Variants in MRGPRX3 observed in about 807,000 individuals in gnomAD.
MRGPRX3 encodes the protein MAS related GPR family member X3, also known as mas-related G protein-coupled receptor member X3.
A neutral mutation model predicts 16.5 loss-of-function variants in MRGPRX3; 14 were observed. That is an observed-to-expected ratio of 0.85 (90% CI 0.56 to 1.33). The LOEUF is 1.33. MRGPRX3 is among the 40% of genes most tolerant of loss of function. The pLI is 0.00. For missense variants in MRGPRX3, 449 were observed against 413.0 expected, an observed-to-expected ratio of 1.09 and a Z score of -0.76; for synonymous variants, 199 against 180.1, an observed-to-expected ratio of 1.10 and a Z score of -0.84.
chr11:18,131,656 C>T (rs753776786), upstream of MRGPRX3, among the ~76,000 whole-genome samples: 2 of 151,950 alleles, frequency 1.3e-5, no homozygotes, highest in African/African-American at 4.8e-5. Flanking sequence ...GTAGATCGAC[C>T]ATTTGATCCA....
At chr11:18,131,748 A>G (rs1190155812), upstream of MRGPRX3, among the ~76,000 whole-genome samples, 3 of 152,154 alleles carry the variant, frequency 2.0e-5, no homozygotes, top group Non-Finnish European at 2.9e-5. Flanking sequence ...TAAAATGATG[A>G]CATTCACAGC....
intron 1 of MRGPRX3, among the ~76,000 whole-genome samples, chr11:18,135,528 C>T (rs1348008174): frequency 5.3e-5 from 8 of 152,154 alleles, no homozygotes; most frequent in Non-Finnish European, 8.8e-5. Flanking sequence ...TGCCCATGTG[C>T]ATTCTTGGGA....
intron 1 of MRGPRX3, among the ~76,000 whole-genome samples, chr11:18,134,354 C>T (rs925405878): frequency 1.3e-5 from 2 of 152,028 alleles, no homozygotes; most frequent in African/African-American, 2.4e-5. Context: ...AAAGGTGTGG[C>T]GGAGTTGTGT....
intron 1 of MRGPRX3, among the ~76,000 whole-genome samples, chr11:18,126,662 T>C (rs1848900135): frequency 6.6e-6 from 1 of 152,020 alleles, no homozygotes; most frequent in South Asian, 2.1e-4. Flanking sequence ...CCACAACCGT[T>C]CCCAGTGTGT....
Position 18,137,765 on chromosome 11 carries a change from G to C in MRGPRX3, c.563G>C (p.Cys188Ser). The change falls in exon 2 of 2, where the codon TGT (cysteine) becomes TCT (serine). Residue 188 changes from cysteine to serine, a missense_variant. Physicochemically the swap from Cys to Ser is moderately radical, Grantham distance 112. Transcript: ENST00000621697. ...ACAATCGCGTGGCTGGTTTTTTTAT[G>C]TGTGGTTCTCTGTGGGTCCAGCCTG... ...FITIAWLVFL[C>S]VVLCGSSLVL... The C allele has an allele frequency of 6.2e-7, 1 of 1,614,038 alleles. No individual in the cohort carries two copies. Among genetic ancestry groups the C allele is most frequent in the Non-Finnish European group, 8.5e-7 (1 of 1,180,026 alleles).
chr11:18,125,700 A>G (rs1350256965), intron 1 of MRGPRX3, among the ~76,000 whole-genome samples: 1 of 152,204 alleles, frequency 6.6e-6, no homozygotes, highest in Non-Finnish European at 1.5e-5. Flanking sequence ...GATGTCTATT[A>G]GGTCCGCTTG....
Position 18,137,725 on chromosome 11 carries a change from A to C in MRGPRX3, c.523A>C (p.Thr175Pro), listed in dbSNP as rs1590308879. The part of the protein sequence containing the change: ...FSGANSVWCE[T>P]SDFITIAWLV... Reference sequence around the variant, plus strand: ...TGGTGCTAATTCTGTTTGGTGTGAAACGTCAGATTTCATTACAATCGCGTG... The same window carrying C: ...TGGTGCTAATTCTGTTTGGTGTGAACCGTCAGATTTCATTACAATCGCGTG... The change falls in exon 2 of 2, where the codon ACG (threonine) becomes CCG (proline). Residue 175 changes from threonine to proline, a missense_variant. Thr to Pro is a conservative substitution (Grantham distance 38). Coordinates refer to ENST00000621697, the MANE Select transcript of MRGPRX3 (RefSeq NM_001370464.1). The C allele has an allele frequency of 6.2e-7, 1 of 1,612,986 alleles. No individual in the cohort carries two copies.
At chr11:18,122,495 C>T (rs557176533) in intron 1 of MRGPRX3, among the ~76,000 whole-genome samples, 66 of 152,298 alleles carry the variant, frequency 4.3e-4, no homozygotes, top group Non-Finnish European at 4.1e-4. Context: ...GCCCCATCCA[C>T]GTCCCTGCAA....
At chr11:18,127,458 C>T (rs976232770) in intron 1 of MRGPRX3, among the ~76,000 whole-genome samples, 2 of 152,136 alleles carry the variant, frequency 1.3e-5, no homozygotes, top group South Asian at 4.1e-4. Flanking sequence ...TTCTTGGAGG[C>T]TTTGTTCCTT....
At chr11:18,135,698 T>C (rs1849001869) in intron 1 of MRGPRX3, among the ~76,000 whole-genome samples, 1 of 152,164 alleles carries the variant, frequency 6.6e-6, no homozygotes, top group Non-Finnish European at 1.5e-5. Context: ...CAATTTTGAC[T>C]GTCAACTTGG....
At chr11:18,135,373 C>T (rs1404356732) in intron 1 of MRGPRX3, among the ~76,000 whole-genome samples, 1 of 152,126 alleles carries the variant, frequency 6.6e-6, no homozygotes, top group Non-Finnish European at 1.5e-5. Flanking sequence ...AACAGAGGTT[C>T]TCCTTTTCCT....
At chr11:18,134,545 A>G (rs1848991208) in intron 1 of MRGPRX3, among the ~76,000 whole-genome samples, 5 of 152,236 alleles carry the variant, frequency 3.3e-5, no homozygotes, top group Admixed American at 1.3e-4. Context: ...GAAATTGAGC[A>G]TCTGCAGATT....
Position 18,138,152 on chromosome 11 carries a change from G to A in MRGPRX3, c.950G>A (p.Gly317Glu), listed in dbSNP as rs1445101459. ...WLPQETLELS[G>E]SRLEQ ...CCTCAGGAAACCCTGGAGCTGTCGG[G>A]AAGCAGATTGGAGCAGTGAGGAAGA... Residue 317 changes from glycine to glutamate, a missense_variant, in exon 2 of 2, where the codon GGA becomes GAA. Coordinates refer to ENST00000621697, the MANE Select transcript of MRGPRX3 (RefSeq NM_001370464.1). 1.2e-6 allele frequency: 2 copies of A among 1,612,202 alleles called. No homozygotes were observed. The highest frequency in any genetic ancestry group is 8.5e-7 in the Non-Finnish European group (1 of 1,178,962).
Position 18,137,383 on chromosome 11 carries a change from G to A in MRGPRX3, c.181G>A (p.Val61Ile). 6.2e-7 allele frequency: 1 copy of A among 1,614,180 alleles called. No homozygotes were observed. The highest frequency in any genetic ancestry group is 8.5e-7 in the Non-Finnish European group (1 of 1,180,036). ...LLGCRMRRNA[V>I]SIYILNLVAA... The stretch of plus-strand genomic sequence containing the variant: ...GGGCTGCCGCATGCGCAGGAACGCT[G>A]TCTCCATCTACATCCTCAACCTGGT... Residue 61 changes from valine (V) to isoleucine (I), a missense_variant, in exon 2 of 2, where the codon GTC (valine) becomes ATC (isoleucine). Val to Ile is a conservative substitution (Grantham distance 29, BLOSUM62 3). Transcript: ENST00000621697.
intron 1 of MRGPRX3, among the ~76,000 whole-genome samples, chr11:18,136,034 T>C (rs551184333): frequency 6.6e-6 from 1 of 152,276 alleles, no homozygotes; most frequent in Admixed American, 6.5e-5. Context: ...CAGTTGAAAT[T>C]TGCATGAATA....
At chr11:18,125,221 T>A (rs371860599) in intron 1 of MRGPRX3, among the ~76,000 whole-genome samples, 2 of 152,140 alleles carry the variant, frequency 1.3e-5, no homozygotes, top group African/African-American at 4.8e-5. Context: ...TATTTCTTGC[T>A]TTCTGCTAGC....
rs1849027711 is a variant in MRGPRX3, at chr11:18,137,785, A to C, written c.583A>C (p.Ser195Arg). The C allele has an allele frequency of 8.7e-6, 14 of 1,613,732 alleles. No homozygotes were observed. Among genetic ancestry groups the C allele is most frequent in the Non-Finnish European group, 1.2e-5 (14 of 1,179,906 alleles). Residue 195 changes from serine (S) to arginine (R), a missense_variant, in exon 2 of 2, where the codon AGC becomes CGC. Coordinates refer to ENST00000621697, the MANE Select transcript of MRGPRX3 (RefSeq NM_001370464.1). ...TTTATGTGTGGTTCTCTGTGGGTCC[A>C]GCCTGGTCCTGCTGGTCAGGATTCT... ...VFLCVVLCGS[S>R]LVLLVRILCG...
At chr11:18,132,157 G>C (rs529279020), upstream of MRGPRX3, among the ~76,000 whole-genome samples, 7 of 152,266 alleles carry the variant, frequency 4.6e-5, no homozygotes, top group Non-Finnish European at 7.4e-5. Flanking sequence ...TGTAGCAAGT[G>C]GTAGCCTCTG....
At position 18,121,506 on chromosome 11, in the gene MRGPRX3, C is replaced by CAGCT. The variant is rs1848836501; in HGVS notation, c.-152+343_-152+346dup. On this transcript the variant is annotated intron_variant, in intron 1 of 2. Transcript: ENST00000396275. ...CGCCCCGTCTGGGAGGTGTGCCCAA[C>CAGCT]AGCTCATTGAGAACGGGCCAGGATG... Among the ~76,000 whole-genome samples, 3 of 152,316 alleles carry CAGCT rather than the reference C, an allele frequency of 2.0e-5. No homozygotes were observed. In the East Asian group the frequency reaches 5.8e-4, roughly 29 times the overall value.
Sources: gnomAD v4.1 joint callset for allele counts (sites outside exome capture counted in the v4.1 genomes callset) on GRCh38, gnomAD v4.1.1 for gene constraint, MANE v1.5 for transcripts, NCBI Gene and HGNC (gene_info 2026-07-23, HGNC 2026-07-21) for gene names.